Variants in DIDO1 observed in about 807,000 individuals in gnomAD.
The protein encoded by DIDO1 is death inducer-obliterator 1, also known as death-inducer obliterator 1.
DIDO1 carries 16 observed loss-of-function variants against 99.4 expected under a neutral mutation model. That is an observed-to-expected ratio of 0.16 (90% CI 0.11 to 0.24). The LOEUF (loss-of-function observed/expected upper bound fraction) is 0.24. Among genes scored for constraint, DIDO1 ranks in the 10% least tolerant of loss-of-function variants. The pLI, the probability that DIDO1 is intolerant of heterozygous loss-of-function variation, is 1.00. For missense variants in DIDO1, 2,996 were observed against 3,014.0 expected (o/e 0.99, Z 0.14); for synonymous variants, 1,366 against 1,239.1 (o/e 1.10, Z -2.15).
chr20:62,923,094 T>C (rs1441144822), intron 1 of DIDO1, among the ~76,000 whole-genome samples: 2 of 152,160 alleles, frequency 1.3e-5, no homozygotes, highest in Admixed American at 1.3e-4. Context: ...CTGGAACTCC[T>C]GGCTTCAAGG....
At chr20:62,927,774 C>T (rs75615161), upstream of DIDO1, among the ~76,000 whole-genome samples, 2,024 of 152,316 alleles carry the variant, frequency 0.013, 18 homozygotes, top group Non-Finnish European at 0.02. Context: ...CTGAGGCAGA[C>T]TTAGTTTTCT....
At chr20:62,902,247 A>C (rs2064699606) in intron 6 of DIDO1, among the ~76,000 whole-genome samples, 1 of 152,238 alleles carries the variant, frequency 6.6e-6, no homozygotes, top group East Asian at 1.9e-4. Flanking sequence ...CTGCTTTTTA[A>C]GTTTATAAAA....
rs8121226 is a variant in DIDO1, at chr20:62,894,658, A to G, written c.2437-110T>C. On this transcript the variant is annotated intron_variant, in intron 10 of 15. Coordinates refer to ENST00000395343, the MANE Select transcript of DIDO1 (RefSeq NM_001193369.2). This position sits in a 1 kb window ranked among gnomAD's most constrained non-coding sequence, Gnocchi z 4.4. ...ATGGGATTGAGACCCACGGGGGAGA[A>G]AAAAGGACCATCTAATACAAGGACT... 2,646 of 1,460,598 alleles carry G rather than the reference A, an allele frequency of 1.8e-3. 56 individuals carry two copies. The African/African-American group carries it at 0.034, about 19-fold the overall frequency. 90.5% of individuals were successfully genotyped at this position (1,460,598 alleles called of 1,614,324 possible). A position where few individuals can be genotyped will look rare whatever the true frequency, so the allele number is the denominator to read the frequency against.
chr20:62,896,091 G>T lies in DIDO1; in HGVS notation c.2214+142C>A. 1.1e-6 allele frequency: 1 copy of T among 922,308 alleles called. No individual in the cohort carries two copies. Among genetic ancestry groups the T allele is most frequent in the Non-Finnish European group, 1.6e-6 (1 of 614,642 alleles). The allele number at this position is 922,308 out of a possible 1,614,324, so 57.1% of individuals were successfully genotyped here. On this transcript the variant is annotated intron_variant, in intron 8 of 15. Transcript: ENST00000395343. The surrounding 1 kb of genome is among the most constrained non-coding windows in gnomAD (Gnocchi z 4.4). ...GCTCAACGCCAGTGCAACAATACGT[G>T]GGCGGCAGAAGGATCACAGAGGAGA... is the stretch of plus-strand genomic sequence containing the variant.
chr20:62,917,495 T>G (rs2065060465), intron 1 of DIDO1, among the ~76,000 whole-genome samples: 1 of 152,220 alleles, frequency 6.6e-6, no homozygotes, highest in Non-Finnish European at 1.5e-5. Context: ...TCACTCGTTT[T>G]GGACAAAACG....
chr20:62,885,084 C>G (rs1172505031), intron 15 of DIDO1, among the ~76,000 whole-genome samples: 2 of 152,342 alleles, frequency 1.3e-5, no homozygotes, highest in African/African-American at 2.4e-5. Context: ...ATGAAATTGG[C>G]TATTATGGCC....
At chr20:62,927,625 A>G (rs1036887205), upstream of DIDO1, among the ~76,000 whole-genome samples, 2 of 152,262 alleles carry the variant, frequency 1.3e-5, no homozygotes, top group Non-Finnish European at 2.9e-5. Context: ...GGCCCTGGCC[A>G]AGAGTAAAAG....
chr20:62,888,570 G>A, intron 15 of DIDO1: 1 of 985,572 alleles, frequency 1.0e-6, no homozygotes. Flanking sequence ...CTCAGGTGTG[G>A]CCTGTGCTGT....
intron 6 of DIDO1, among the ~76,000 whole-genome samples, chr20:62,900,386 CAGA>C (rs1265338278): frequency 6.6e-6 from 1 of 152,250 alleles, no homozygotes; most frequent in Non-Finnish European, 1.5e-5. Flanking sequence ...TCCCCCAAAG[CAGA>C]AGGCTGGCTG....
intron 4 of DIDO1, among the ~76,000 whole-genome samples, chr20:62,908,310 G>A (rs1452884798): frequency 6.6e-6 from 1 of 152,202 alleles, no homozygotes; most frequent in Non-Finnish European, 1.5e-5. Flanking sequence ...AAAACAGCGT[G>A]AGGGCTTCTG....
chr20:62,909,936 T>C lies in DIDO1; in HGVS notation c.924A>G (p.Glu308=), dbSNP rs762609102. 6.2e-7 allele frequency: 1 copy of C among 1,614,032 alleles called. No individual in the cohort carries two copies. The highest frequency in any genetic ancestry group is 8.5e-7 in the Non-Finnish European group (1 of 1,180,026). The change falls in exon 4 of 16, where the codon GAA becomes GAG. Residue 308 remains glutamate (E), a synonymous_variant. Coordinates refer to ENST00000395343, the MANE Select transcript of DIDO1 (RefSeq NM_001193369.2). The part of the protein sequence containing the change: ...GISEARGRLL[E]RNGEDYICPN... ...GGCAGATATAGTCTTCCCCATTCCTTTCCAAAAGCCTCCCTCGAGCCTCAG... is the reference window on the plus strand; with the variant it reads ...GGCAGATATAGTCTTCCCCATTCCTCTCCAAAAGCCTCCCTCGAGCCTCAG...
At position 62,891,272 on chromosome 20, in the gene DIDO1, G is replaced by A. The variant is rs947529127; in HGVS notation, c.3346-117C>T. ...TCAGATCTCTCCGACTCACAGCCACGATCTCACAGAGCTGCTGTCTCAGTG... is the reference window on the plus strand; with the variant it reads ...TCAGATCTCTCCGACTCACAGCCACAATCTCACAGAGCTGCTGTCTCAGTG... On this transcript the variant is annotated intron_variant, in intron 14 of 15. Coordinates refer to ENST00000395343, the MANE Select transcript of DIDO1 (RefSeq NM_001193369.2). 1.1e-5 allele frequency: 16 copies of A among 1,489,548 alleles called. No homozygotes were observed. The South Asian group carries it at 1.2e-4, about 11-fold the overall frequency. 92.3% of individuals were successfully genotyped at this position (1,489,548 alleles called of 1,614,324 possible). A position where few individuals can be genotyped will look rare whatever the true frequency, so the allele number is the denominator to read the frequency against.
At position 62,878,642 on chromosome 20, in the gene DIDO1, A is replaced by G. The variant is rs1040759244; in HGVS notation, c.*591T>C. On this transcript the variant is annotated 3_prime_UTR_variant, in exon 16 of 16. Transcript: ENST00000395343. ...TTAAATCATGTTTTGGAAAAAATTG[A>G]TAAGGTGATATATAAAATCTGAGCA... 1.3e-5 allele frequency: 2 copies of G among 152,288 alleles called. No individual in the cohort carries two copies. The highest frequency in any genetic ancestry group is 1.5e-5 in the Non-Finnish European group (1 of 68,054). The allele number at this position is 152,288 out of a possible 1,614,324, so 9.4% of individuals were successfully genotyped here. A position where few individuals can be genotyped will look rare whatever the true frequency, so the allele number is the denominator to read the frequency against.
chr20:62,884,747 G>C (rs1446173794), intron 15 of DIDO1, among the ~76,000 whole-genome samples: 4 of 152,284 alleles, frequency 2.6e-5, no homozygotes, highest in Admixed American at 6.5e-5. Context: ...GAGGACCAAA[G>C]GCCTCTTCCT....
Position 62,911,014 on chromosome 20 carries a change from G to T in DIDO1, c.599C>A (p.Thr200Asn), listed in dbSNP as rs2064922990. ...AGTGTCACTGGCCTCGGAGCCCACA[G>T]TCTCGGCGGGACCCTCCTCCCGGCG... is the stretch of plus-strand genomic sequence containing the variant. ...KKRREEGPAE[T>N]VGSEASDTVE... Residue 200 changes from threonine (T) to asparagine (N), a missense_variant, in exon 3 of 16, where the codon ACT becomes AAT. Transcript: ENST00000395343. The surrounding 1 kb of genome is among the most constrained non-coding windows in gnomAD (Gnocchi z 7.0). 1 of 1,613,982 alleles carries T rather than the reference G, an allele frequency of 6.2e-7. No individual in the cohort carries two copies. Among genetic ancestry groups the T allele is most frequent in the Non-Finnish European group, 8.5e-7 (1 of 1,180,022 alleles).
At chr20:62,899,266 A>T (rs2064606933) in intron 6 of DIDO1, among the ~76,000 whole-genome samples, 1 of 152,260 alleles carries the variant, frequency 6.6e-6, no homozygotes, top group Admixed American at 6.5e-5. Flanking sequence ...ACTCTAAAAA[A>T]GCTGGCTGAA....
intron 6 of DIDO1, chr20:62,905,332 G>C (rs762526691): frequency 7.0e-7 from 1 of 1,429,082 alleles, no homozygotes; most frequent in African/African-American, 1.4e-5. Context: ...CGTGTGAATC[G>C]GACATGGAAA....
Position 62,877,986 on chromosome 20 carries a change from A to G in DIDO1, c.*1247T>C, listed in dbSNP as rs1265650780. On this transcript the variant is annotated 3_prime_UTR_variant, in exon 16 of 16. Coordinates refer to ENST00000395343, the MANE Select transcript of DIDO1 (RefSeq NM_001193369.2). ...GGAACGTGACACCTACTTTAATGTA[A>G]TTTAACCTATGGACACTTGGCTTTC... The G allele has an allele frequency of 6.6e-6, 1 of 152,210 alleles. No individual in the cohort carries two copies. Among genetic ancestry groups the G allele is most frequent in the Non-Finnish European group, 1.5e-5 (1 of 68,036 alleles). The allele number at this position is 152,210 out of a possible 1,614,324, so 9.4% of individuals were successfully genotyped here. A position where few individuals can be genotyped will look rare whatever the true frequency, so the allele number is the denominator to read the frequency against.
In DIDO1 at chr20:62,877,786, C is replaced by A. The variant is rs1470927061; in HGVS notation, c.*1447G>T. 2 of 152,186 alleles carry A rather than the reference C, an allele frequency of 1.3e-5. No individual in the cohort carries two copies. Among genetic ancestry groups the A allele is most frequent in the African/African-American group, 4.8e-5 (2 of 41,432 alleles). The allele number at this position is 152,186 out of a possible 1,614,324, so 9.4% of individuals were successfully genotyped here. A position where few individuals can be genotyped will look rare whatever the true frequency, so the allele number is the denominator to read the frequency against. On this transcript the variant is annotated 3_prime_UTR_variant, in exon 16 of 16. Coordinates refer to ENST00000395343, the MANE Select transcript of DIDO1 (RefSeq NM_001193369.2). ...CTACTGCGAGTAACAAAACCTAGGT[C>A]GTTCCATGTTCTCATGTACAGTGAT...
Sources: gnomAD v4.1 joint callset for allele counts (sites outside exome capture counted in the v4.1 genomes callset) on GRCh38, gnomAD v4.1.1 for gene constraint, Gnocchi (gnomAD v3.1) non-coding constraint, MANE v1.5 for transcripts, NCBI Gene and HGNC (gene_info 2026-07-23, HGNC 2026-07-21) for gene names.